Variants in ARHGAP17 observed in about 807,000 individuals in gnomAD.
ARHGAP17 encodes rho GTPase-activating protein 17.
In ARHGAP17, 57 loss-of-function variants were observed where a neutral mutation model predicts 99.5. That is an observed-to-expected ratio of 0.57 (90% CI 0.46 to 0.71). The LOEUF is 0.71. Among genes scored for constraint, ARHGAP17 ranks in the 30% least tolerant of loss-of-function variants. The pLI is 0.00. For missense variants in ARHGAP17, 1,000 were observed against 1,122.4 expected, an observed-to-expected ratio of 0.89 and a Z score of 1.56; for synonymous variants, 417 against 429.6, an observed-to-expected ratio of 0.97 and a Z score of 0.36.
At chr16:24,982,996 A>ATATATT (rs1315859010) in intron 1 of ARHGAP17, among the ~76,000 whole-genome samples, 3 of 46,974 alleles carry the variant, frequency 6.4e-5, no homozygotes, top group African/African-American at 2.6e-4. Flanking sequence ...ATATATATAT[A>ATATATT]TTTTTTTTTT....
rs201096033 is a variant in ARHGAP17 at position 24,939,626 on chromosome 16, A to G, written c.1491-29T>C. 18 of 1,570,812 alleles carry G rather than the reference A, an allele frequency of 1.1e-5. No individual in the cohort carries two copies. The East Asian group carries it at 3.9e-4, about 34-fold the overall frequency. On this transcript the variant is annotated intron_variant, in intron 16 of 19. Coordinates refer to ENST00000289968, the MANE Select transcript of ARHGAP17 (RefSeq NM_001006634.3). ...CACAGAGAGAAGAAACAGTCAACACACCATGCGAGCAGACTACTGAGACAG... is the reference window on the plus strand; with the variant it reads ...CACAGAGAGAAGAAACAGTCAACACGCCATGCGAGCAGACTACTGAGACAG...
chr16:24,919,888 T>C lies in ARHGAP17; in HGVS notation c.*242A>G, dbSNP rs889702289. On this transcript the variant is annotated 3_prime_UTR_variant, in exon 20 of 20. Coordinates refer to ENST00000289968, the MANE Select transcript of ARHGAP17 (RefSeq NM_001006634.3). Reference sequence around the variant, plus strand: ...CCAGGTACTTCTTTGTTTTGGATTTTTTTGGCATGATTTCCTTCCCATGTA... The same window carrying C: ...CCAGGTACTTCTTTGTTTTGGATTTCTTTGGCATGATTTCCTTCCCATGTA... The C allele has an allele frequency of 4.7e-5, 20 of 422,072 alleles. No homozygotes were observed. The highest frequency in any genetic ancestry group is 6.8e-4 in the Middle Eastern group (1 of 1,468). 26.1% of individuals were successfully genotyped at this position (422,072 alleles called of 1,614,324 possible). A position where few individuals can be genotyped will look rare whatever the true frequency, so the allele number is the denominator to read the frequency against.
At position 24,947,470 on chromosome 16, in the gene ARHGAP17, A is replaced by G; in HGVS notation, c.1241+12T>C. 8 of 1,603,890 alleles carry G rather than the reference A, an allele frequency of 5.0e-6. No homozygotes were observed. The highest frequency in any genetic ancestry group is 6.8e-6 in the Non-Finnish European group (8 of 1,171,812). On this transcript the variant is annotated intron_variant, in intron 14 of 19. Transcript: ENST00000289968. ...AGAAGAAATTCAAATGATACAGAGA[A>G]AGATGACTTACCCTTCATTTCTGGC...
intron 1 of ARHGAP17, among the ~76,000 whole-genome samples, chr16:25,010,374 C>T (rs2053614035): frequency 6.6e-6 from 1 of 152,190 alleles, no homozygotes; most frequent in African/African-American, 2.4e-5. Flanking sequence ...CCACCCCACC[C>T]AGCCAGGTTT....
chr16:24,956,655 T>C (rs1018238876), intron 9 of ARHGAP17: 1 of 152,170 alleles, frequency 6.6e-6, no homozygotes, highest in Non-Finnish European at 1.5e-5. Flanking sequence ...CGATAACCAC[T>C]CCTCTGCACC....
intron 1 of ARHGAP17, among the ~76,000 whole-genome samples, chr16:24,984,180 T>C (rs1280399069): frequency 6.6e-6 from 1 of 152,196 alleles, no homozygotes; most frequent in Non-Finnish European, 1.5e-5. Flanking sequence ...AAACATGTAC[T>C]ATGGGAGCCA....
At chr16:24,965,287 G>A (rs963319432) in intron 6 of ARHGAP17, among the ~76,000 whole-genome samples, 5 of 152,146 alleles carry the variant, frequency 3.3e-5, no homozygotes, top group Non-Finnish European at 4.4e-5. Context: ...TGGCTAACAC[G>A]GTGAAACCCC....
At chr16:24,958,881 G>T (rs2051892968) in intron 9 of ARHGAP17, among the ~76,000 whole-genome samples, 1 of 152,036 alleles carries the variant, frequency 6.6e-6, no homozygotes, top group South Asian at 2.1e-4. Flanking sequence ...CAAATGTCAG[G>T]TCTACACCAC....
chr16:25,001,959 T>C (rs2053371831), intron 1 of ARHGAP17, among the ~76,000 whole-genome samples: 1 of 151,858 alleles, frequency 6.6e-6, no homozygotes, highest in African/African-American at 2.4e-5. Context: ...TGGGCACCTA[T>C]AATCCCAGCT....
At chr16:24,930,636 T>C (rs552849699) in intron 19 of ARHGAP17, 148 bp downstream of exon 19, 1 of 1,354,152 alleles carries the variant, frequency 7.4e-7, no homozygotes, top group South Asian at 1.2e-5. Context: ...AAAACTTTAA[T>C]GACAAAAACT....
chr16:24,953,685 T>C (rs1295845395), intron 10 of ARHGAP17, among the ~76,000 whole-genome samples: 1 of 152,214 alleles, frequency 6.6e-6, no homozygotes, highest in Non-Finnish European at 1.5e-5. Context: ...CTTTTCGTCA[T>C]AAATTACCCA....
At chr16:24,982,980 A>ATATATATATATATATATATT (rs2052725948) in intron 1 of ARHGAP17, among the ~76,000 whole-genome samples, 39 of 16,868 alleles carry the variant, frequency 2.3e-3, no homozygotes, top group Non-Finnish European at 2.9e-3. Flanking sequence ...ATATATATAT[A>ATATATATATATATATATATT]TATATATATA....
chr16:24,996,960 A>G (rs1157977522), intron 1 of ARHGAP17, among the ~76,000 whole-genome samples: 1 of 152,180 alleles, frequency 6.6e-6, no homozygotes, highest in Non-Finnish European at 1.5e-5. Flanking sequence ...TGGAGAAATC[A>G]TGTCACACAA....
intron 19 of ARHGAP17, among the ~76,000 whole-genome samples, chr16:24,925,420 A>G (rs1219732987): frequency 6.6e-6 from 1 of 152,146 alleles, no homozygotes; most frequent in African/African-American, 2.4e-5. Context: ...TGACAGTCCA[A>G]CCAATCTGGC....
At chr16:24,979,845 G>A (rs1485478519) in intron 1 of ARHGAP17, among the ~76,000 whole-genome samples, 1 of 152,064 alleles carries the variant, frequency 6.6e-6, no homozygotes, top group Non-Finnish European at 1.5e-5. Flanking sequence ...CGAGTAGCTG[G>A]AATTATAGGC....
chr16:24,949,741 A>C (rs995168757), intron 12 of ARHGAP17, among the ~76,000 whole-genome samples: 4 of 152,216 alleles, frequency 2.6e-5, no homozygotes, highest in African/African-American at 9.6e-5. Flanking sequence ...CGTCTGTGAC[A>C]AAACCACCTC....
In ARHGAP17 at chr16:24,976,068, C is replaced by T. The variant is rs147726775; in HGVS notation, c.198+1147G>A. On this transcript the variant is annotated intron_variant, in intron 3 of 19. Transcript: ENST00000289968. ...CTGGGCCAAACTAACTTAAACCAAT[C>T]GGCACATCCCATCTCCTCACCCCAC... Among the ~76,000 whole-genome samples the T allele has an allele frequency of 9.8e-5, 15 of 152,324 alleles. No homozygotes were observed. The East Asian group carries it at 2.1e-3, about 22-fold the overall frequency.
chr16:24,963,036 C>G (rs940819855), intron 7 of ARHGAP17, among the ~76,000 whole-genome samples: 1 of 152,168 alleles, frequency 6.6e-6, no homozygotes, highest in African/African-American at 2.4e-5. Context: ...GTTGAGAGAA[C>G]AGACATCAGC....
intron 9 of ARHGAP17, chr16:24,957,467 T>C (rs1482557750): frequency 6.6e-6 from 1 of 152,200 alleles, no homozygotes; most frequent in African/African-American, 2.4e-5. Flanking sequence ...GAGACAGAAA[T>C]GAGCAATATA....
Sources: allele counts gnomAD v4.1 joint callset (sites outside exome capture counted in the v4.1 genomes callset), GRCh38; gene constraint gnomAD v4.1.1; transcripts MANE v1.5; gene names NCBI Gene and HGNC (gene_info 2026-07-23, HGNC 2026-07-21).